Variants in ENO4 observed in about 807,000 individuals in gnomAD.
ENO4 encodes the protein enolase 4.
In ENO4, 53 loss-of-function variants were observed where a neutral mutation model predicts 63.2. The observed-to-expected ratio is 0.84, with a 90% CI of 0.67 to 1.05. ENO4 has a LOEUF of 1.05. ENO4 is among the 50% of genes least tolerant of loss of function. The pLI, the probability that ENO4 is intolerant of heterozygous loss-of-function variation, is 0.00. For missense variants in ENO4, 719 were observed against 772.0 expected (o/e 0.93, Z 0.81); for synonymous variants, 266 against 283.8 (o/e 0.94, Z 0.63).
chr10:116,896,115 A>G (rs952879186), intron 10 of ENO4, among the ~76,000 whole-genome samples: 2 of 152,232 alleles, frequency 1.3e-5, no homozygotes, highest in African/African-American at 2.4e-5. Flanking sequence ...AAAGAGTAAT[A>G]GAAGTATTAA....
intron 10 of ENO4, among the ~76,000 whole-genome samples, chr10:116,894,029 TCAAA>T (rs144533287): frequency 0.029 from 4,386 of 152,066 alleles, 103 homozygotes; most frequent in Non-Finnish European, 0.044. Context: ...CAGTTAGAGG[TCAAA>T]CAATGATAAA....
At chr10:116,869,115 T>A (rs1249803614) in intron 8 of ENO4, among the ~76,000 whole-genome samples, 1 of 152,030 alleles carries the variant, frequency 6.6e-6, no homozygotes, top group East Asian at 1.9e-4. Flanking sequence ...TTCCATCTGG[T>A]CCCCCAAAGG....
At chr10:116,875,578 C>CACACACACACACAT (rs1219736121) in intron 10 of ENO4, among the ~76,000 whole-genome samples, 1 of 151,956 alleles carries the variant, frequency 6.6e-6, no homozygotes, top group Non-Finnish European at 1.5e-5. Context: ...CACACACACA[C>CACACACACACACAT]ACACACACAT....
At chr10:116,906,883 A>G (rs766112392) in intron 10 of ENO4, 37 of 692,294 alleles carry the variant, frequency 5.3e-5, no homozygotes, top group Non-Finnish European at 8.1e-5. Flanking sequence ...CTATATATTA[A>G]TATTTTTTAA....
At chr10:116,869,677 G>C (rs1846637704) in intron 8 of ENO4, among the ~76,000 whole-genome samples, 2 of 152,216 alleles carry the variant, frequency 1.3e-5, no homozygotes, top group African/African-American at 4.8e-5. Context: ...CCAATTCTCA[G>C]TGCTGTGCCT....
At chr10:116,872,037 A>G (rs1367831425) in intron 9 of ENO4, among the ~76,000 whole-genome samples, 2 of 152,180 alleles carry the variant, frequency 1.3e-5, no homozygotes, top group Non-Finnish European at 2.9e-5. Context: ...CTCTACAAAA[A>G]ATGCAAAAAA....
At chr10:116,892,783 T>C (rs1235508314) in intron 10 of ENO4, among the ~76,000 whole-genome samples, 5 of 152,188 alleles carry the variant, frequency 3.3e-5, no homozygotes, top group African/African-American at 9.7e-5. Flanking sequence ...AGATCTGACA[T>C]TGCATTTGAG....
At chr10:116,891,756 C>G (rs1295179153) in intron 10 of ENO4, among the ~76,000 whole-genome samples, 1 of 151,998 alleles carries the variant, frequency 6.6e-6, no homozygotes, top group East Asian at 1.9e-4. Context: ...TTTTAATACA[C>G]TTGTCCAAAA....
In ENO4 at chr10:116,863,376, A is replaced by G. The variant is rs576537928; in HGVS notation, c.990+524A>G. On this transcript the variant is annotated intron_variant, in intron 7 of 13. Transcript: ENST00000341276. ...GGGCTTCACACACACACACACACAC[A>G]CACACACACACGCACACACCTTTTA... is the stretch of plus-strand genomic sequence containing the variant. Among the ~76,000 whole-genome samples, 132 of 151,740 alleles carry G rather than the reference A, an allele frequency of 8.7e-4. 2 individuals are homozygous for G. The South Asian group carries it at 0.027, about 31-fold the overall frequency.
chr10:116,852,745 C>T (rs1308784075), intron 1 of ENO4, among the ~76,000 whole-genome samples: 2 of 152,092 alleles, frequency 1.3e-5, no homozygotes, highest in Non-Finnish European at 1.5e-5. Context: ...TACGAGACCC[C>T]TCAGGATATC....
rs1344741323 is a variant in ENO4 at position 116,904,628 on chromosome 10, T to C, written c.1195-6871T>C. Among the ~76,000 whole-genome samples the C allele has an allele frequency of 3.9e-5, 6 of 152,188 alleles. No homozygotes were observed. The East Asian group carries it at 1.2e-3, about 29-fold the overall frequency. ...TGCCCTAAAATAATACAAATATTTG[T>C]ATATTGGTGGAATATAATACATTAA... On this transcript the variant is annotated intron_variant, in intron 10 of 10. Coordinates refer to the ENO4 transcript ENST00000369207.
intron 3 of ENO4, among the ~76,000 whole-genome samples, chr10:116,858,592 A>C (rs1376290955): frequency 1.3e-5 from 2 of 152,194 alleles, no homozygotes; most frequent in African/African-American, 4.8e-5. Flanking sequence ...AAAAGAAAGG[A>C]AGTCCTCTCT....
At chr10:116,857,059 A>G (rs1299776816) in intron 3 of ENO4, among the ~76,000 whole-genome samples, 1 of 152,098 alleles carries the variant, frequency 6.6e-6, no homozygotes, top group Admixed American at 6.6e-5. Flanking sequence ...TGCCAATAAA[A>G]TGGGTCTGTC....
chr10:116,851,336 G>C (rs904681423), intron 1 of ENO4, among the ~76,000 whole-genome samples: 1 of 152,182 alleles, frequency 6.6e-6, no homozygotes, highest in Non-Finnish European at 1.5e-5. Context: ...ATCCTTGGAG[G>C]CTGTATATCC....
intron 10 of ENO4, chr10:116,906,860 C>T: frequency 6.9e-6 from 6 of 867,022 alleles, no homozygotes; most frequent in Non-Finnish European, 9.9e-6. Context: ...AATTATGAAA[C>T]AAAATGAATT....
rs1417103014 is a variant in ENO4, at chr10:116,858,897, G to C, written c.486-93G>C. 6.2e-6 allele frequency: 4 copies of C among 644,142 alleles called. No homozygotes were observed. The East Asian group carries it at 1.2e-4, about 19-fold the overall frequency. 39.9% of individuals were successfully genotyped at this position (644,142 alleles called of 1,614,324 possible). A position where few individuals can be genotyped will look rare whatever the true frequency, so the allele number is the denominator to read the frequency against. Reference sequence around the variant, plus strand: ...AGTAGCTGAAAAGCAGTTATTTATTGAAATATATGGGGTCATCTCTAAAAC... The same window carrying C: ...AGTAGCTGAAAAGCAGTTATTTATTCAAATATATGGGGTCATCTCTAAAAC... On this transcript the variant is annotated intron_variant, in intron 3 of 13. Coordinates refer to ENST00000341276, the MANE Select transcript of ENO4 (RefSeq NM_001242699.2).
intron 7 of ENO4, among the ~76,000 whole-genome samples, chr10:116,863,270 T>C (rs890092707): frequency 6.6e-6 from 1 of 151,940 alleles, no homozygotes; most frequent in Non-Finnish European, 1.5e-5. Context: ...AGTCGCCAGT[T>C]GTCCCATCAT....
Position 116,882,333 on chromosome 10 carries a change from A to T in ENO4, c.*664A>T, listed in dbSNP as rs2133288189. On this transcript the variant is annotated 3_prime_UTR_variant, in exon 14 of 14. Transcript: ENST00000341276. ...TAAGCACATCAGTAAATGAATTAAT[A>T]TTCTCAAGGTTATTAAATGCCCAGT... is the stretch of plus-strand genomic sequence containing the variant. 6.6e-6 allele frequency: 1 copy of T among 151,894 alleles called. No homozygotes were observed. Among genetic ancestry groups the T allele is most frequent in the South Asian group, 2.1e-4 (1 of 4,796 alleles). The allele number at this position is 151,894 out of a possible 1,614,324, so 9.4% of individuals were successfully genotyped here.
chr10:116,900,376 T>A, intron 10 of ENO4: 1 of 647,196 alleles, frequency 1.5e-6, no homozygotes, highest in South Asian at 1.9e-5. Context: ...ACTGTGTCTG[T>A]CAACACATGG....
Sources: allele counts gnomAD v4.1 joint callset (sites outside exome capture counted in the v4.1 genomes callset), GRCh38; gene constraint gnomAD v4.1.1; transcripts MANE v1.5; gene names NCBI Gene and HGNC (gene_info 2026-07-23, HGNC 2026-07-21).